The following TMEM164 variants were observed in gnomAD, a reference collection of about 807,000 sequenced individuals.
TMEM164 encodes the protein RP13-360B22.2.
A neutral mutation model predicts 18.8 loss-of-function variants in TMEM164; 4 were observed. That is an observed-to-expected ratio of 0.21 (90% CI 0.10 to 0.49). TMEM164 has a LOEUF of 0.49. Among genes scored for constraint, TMEM164 ranks in the 20% least tolerant of loss-of-function variants. The probability of loss-of-function intolerance (pLI) is 0.98; values close to 1 mark genes in which losing one functional copy is unlikely to be tolerated. For missense variants in TMEM164, 108 were observed against 239.9 expected, an observed-to-expected ratio of 0.45 and a Z score of 3.63; for synonymous variants, 86 against 101.7, an observed-to-expected ratio of 0.85 and a Z score of 0.93.
chrX:110,152,768 T>A, intron 5 of TMEM164, among the ~76,000 whole-genome samples: 1 of 111,354 alleles, frequency 9.0e-6, no homozygotes, highest in Non-Finnish European at 1.9e-5. Context: ...GCCTTGCACA[T>A]CTCTTCCCTC....
chrX:110,158,198 T>G (rs142424198), intron 5 of TMEM164, among the ~76,000 whole-genome samples: 4 of 111,784 alleles, frequency 3.6e-5, no homozygotes, highest in East Asian at 5.6e-4. Context: ...GAATTGAAAT[T>G]TAAATGGCCA....
At chrX:110,077,027 G>A (rs2065681388) in intron 3 of TMEM164, among the ~76,000 whole-genome samples, 1 of 111,764 alleles carries the variant, frequency 8.9e-6, no homozygotes, top group African/African-American at 3.2e-5. Flanking sequence ...TTTCTGACTT[G>A]ATGATCTGTC....
chrX:110,018,537 A>C (rs149623587), intron 2 of TMEM164, among the ~76,000 whole-genome samples: 2 of 112,398 alleles, frequency 1.8e-5, no homozygotes, highest in African/African-American at 3.2e-5. Context: ...GTTAATTGAC[A>C]TATCTAGGCA....
Position 110,042,272 on chromosome X carries a change from C to T in TMEM164, c.391-25075C>T, listed in dbSNP as rs145644216. Among the ~76,000 whole-genome samples, 881 of 110,836 alleles carry T rather than the reference C, an allele frequency of 7.9e-3. 6 individuals are homozygous for T. The highest frequency in any genetic ancestry group is 0.014 in the Non-Finnish European group (715 of 52,881). On this transcript the variant is annotated intron_variant, in intron 2 of 6. Coordinates refer to ENST00000372068, the MANE Select transcript of TMEM164 (RefSeq NM_032227.4). ...TGTGCCTATTCTAGGAACCTGTTAT[C>T]GGTGGAATCATATAATATTTGTCCT...
chrX:110,061,494 T>C (rs1213250584), intron 2 of TMEM164, among the ~76,000 whole-genome samples: 1 of 112,144 alleles, frequency 8.9e-6, no homozygotes, highest in Non-Finnish European at 1.9e-5. Context: ...GAAAACATGA[T>C]ATTTATGGGC....
chrX:110,148,268 C>T (rs902309713), intron 5 of TMEM164, among the ~76,000 whole-genome samples: 1 of 110,954 alleles, frequency 9.0e-6, no homozygotes, highest in African/African-American at 3.3e-5. Flanking sequence ...TCCCCCCTCT[C>T]CCCACAAATG....
chrX:110,036,247 G>T, intron 2 of TMEM164, among the ~76,000 whole-genome samples: 1 of 111,090 alleles, frequency 9.0e-6, no homozygotes, highest in Non-Finnish European at 1.9e-5. Flanking sequence ...CATCTTTCTG[G>T]CTCCTTCTGT....
At chrX:110,150,098 G>A (rs190133270) in intron 5 of TMEM164, among the ~76,000 whole-genome samples, 28 of 112,213 alleles carry the variant, frequency 2.5e-4, no homozygotes, top group African/African-American at 8.7e-4. Context: ...ACTGAGATAA[G>A]TACTCTGAAA....
In TMEM164 at chrX:110,008,424, A is replaced by G. The variant is rs773816583; in HGVS notation, c.390+4260A>G. Among the ~76,000 whole-genome samples, 5 of 111,613 alleles carry G rather than the reference A, an allele frequency of 4.5e-5. No homozygotes were observed. The East Asian group carries it at 8.5e-4, about 19-fold the overall frequency. ...TGCTTGGAATTGAAGTTGGTGGGTA[A>G]TGGGTACAATAAGGGATCCAGCCAT... is the stretch of plus-strand genomic sequence containing the variant. On this transcript the variant is annotated intron_variant, in intron 2 of 6. Coordinates refer to ENST00000372068, the MANE Select transcript of TMEM164 (RefSeq NM_032227.4).
chrX:110,184,098 C>T (rs1247725464), downstream of TMEM164, among the ~76,000 whole-genome samples: 2 of 110,863 alleles, frequency 1.8e-5, no homozygotes, highest in Admixed American at 9.7e-5. Context: ...TCAGTTGTAA[C>T]AAATGTGCCA....
At chrX:110,151,873 C>G (rs1445948232) in intron 5 of TMEM164, among the ~76,000 whole-genome samples, 1 of 111,173 alleles carries the variant, frequency 9.0e-6, no homozygotes, top group African/African-American at 3.3e-5. Flanking sequence ...ATTGTGTTGG[C>G]CTTTTTACAA....
At chrX:110,066,788 G>A (rs142147694) in intron 2 of TMEM164, among the ~76,000 whole-genome samples, 1,179 of 111,503 alleles carry the variant, frequency 0.011, 10 homozygotes, top group African/African-American at 0.035. Context: ...CCACCTAGAC[G>A]TGCTTAGAAA....
intron 2 of TMEM164, among the ~76,000 whole-genome samples, chrX:110,022,099 A>C: frequency 8.9e-6 from 1 of 112,060 alleles, no homozygotes; most frequent in Non-Finnish European, 1.9e-5. Flanking sequence ...GGCATTTAAG[A>C]AAAAACTCCT....
intron 2 of TMEM164, among the ~76,000 whole-genome samples, chrX:110,040,821 A>G (rs1385561620): frequency 9.0e-6 from 1 of 111,226 alleles, no homozygotes; most frequent in Non-Finnish European, 1.9e-5. Context: ...CTGAACACTA[A>G]TATTTGGGCC....
chrX:110,075,725 C>G (rs2065660808), intron 3 of TMEM164, among the ~76,000 whole-genome samples: 1 of 111,782 alleles, frequency 8.9e-6, no homozygotes, highest in South Asian at 3.7e-4. Context: ...ATCATATGGT[C>G]CTTGTTTTAA....
chrX:110,124,646 A>G lies in TMEM164; in HGVS notation c.507+15500A>G, dbSNP rs776222657. Among the ~76,000 whole-genome samples, 55 of 112,025 alleles carry G rather than the reference A, an allele frequency of 4.9e-4. No homozygotes were observed. The Admixed American group carries it at 4.9e-3, about 10-fold the overall frequency. Reference sequence around the variant, plus strand: ...AAAACTTCGTAAGCTAGGAGGTCCTATGATGTAGTGGATAAGAACAGGAGT... The same window carrying G: ...AAAACTTCGTAAGCTAGGAGGTCCTGTGATGTAGTGGATAAGAACAGGAGT... On this transcript the variant is annotated intron_variant, in intron 4 of 6. Transcript: ENST00000372068.
At chrX:110,125,397 C>G (rs1353606927) in intron 4 of TMEM164, among the ~76,000 whole-genome samples, 1 of 111,962 alleles carries the variant, frequency 8.9e-6, no homozygotes, top group South Asian at 3.7e-4. Context: ...CCGGTATGAA[C>G]TGGGAAGTGG....
intron 3 of TMEM164, among the ~76,000 whole-genome samples, chrX:110,105,170 A>T (rs12556116): frequency 8.7e-5 from 4 of 45,742 alleles, no homozygotes; most frequent in Non-Finnish European, 1.6e-4. Flanking sequence ...CCTTCCTTCC[A>T]TCCAACCATC....
chrX:110,148,213 C>T (rs2066885605), intron 5 of TMEM164, among the ~76,000 whole-genome samples: 1 of 111,200 alleles, frequency 9.0e-6, no homozygotes. Flanking sequence ...CTCAAATTTC[C>T]TGTCTACTCT....
Sources: gnomAD v4.1 joint callset for allele counts (sites outside exome capture counted in the v4.1 genomes callset) on GRCh38, gnomAD v4.1.1 for gene constraint, MANE v1.5 for transcripts, NCBI Gene and HGNC (gene_info 2026-07-23, HGNC 2026-07-21) for gene names.